The following ROBO2 variants were observed in gnomAD, a reference collection of about 807,000 sequenced individuals.
ROBO2 encodes roundabout homolog 2.
ROBO2 carries 53 observed loss-of-function variants against 160.8 expected under a neutral mutation model. That is an observed-to-expected ratio of 0.33 (90% CI 0.26 to 0.41). ROBO2 has a LOEUF of 0.41. Among genes scored for constraint, ROBO2 ranks in the 10% least tolerant of loss-of-function variants. The pLI, the probability that ROBO2 is intolerant of heterozygous loss-of-function variation, is 1.00. For missense variants in ROBO2, 1,577 were observed against 1,722.4 expected (o/e 0.92, Z 1.49); for synonymous variants, 664 against 611.7 (o/e 1.09, Z -1.26).
chr3:76,194,170 G>T (rs911100133), intron 2 of ROBO2, among the ~76,000 whole-genome samples: 1 of 151,282 alleles, frequency 6.6e-6, no homozygotes, highest in Non-Finnish European at 1.5e-5. Context: ...CATTATGGGG[G>T]TGTTTCTTCT....
At chr3:76,286,093 A>C (rs1449489076) in intron 2 of ROBO2, among the ~76,000 whole-genome samples, 1 of 152,206 alleles carries the variant, frequency 6.6e-6, no homozygotes, top group African/African-American at 2.4e-5. Context: ...TAAGCAGGTA[A>C]AGCAATACTT....
At chr3:75,991,802 A>G (rs2065581186) in intron 2 of ROBO2, among the ~76,000 whole-genome samples, 1 of 152,140 alleles carries the variant, frequency 6.6e-6, no homozygotes, top group African/African-American at 2.4e-5. Context: ...AAATGCTGAT[A>G]ATGATACAGA....
chr3:76,054,434 C>T (rs1313160441), intron 2 of ROBO2, among the ~76,000 whole-genome samples: 3 of 152,122 alleles, frequency 2.0e-5, no homozygotes, highest in Non-Finnish European at 2.9e-5. Flanking sequence ...AATTCAGAAA[C>T]GGTCAACTAA....
At chr3:77,406,780 A>G (rs1359484739) in intron 2 of ROBO2, among the ~76,000 whole-genome samples, 1 of 152,170 alleles carries the variant, frequency 6.6e-6, no homozygotes, top group African/African-American at 2.4e-5. Context: ...TCTCGGAGAC[A>G]AGTCACAATT....
intron 1 of ROBO2, among the ~76,000 whole-genome samples, chr3:77,082,374 G>A (rs1234854376): frequency 1.3e-5 from 2 of 152,052 alleles, no homozygotes; most frequent in Non-Finnish European, 2.9e-5. Context: ...GTACATCAAG[G>A]TAGTGCTCAC....
chr3:77,071,095 G>C (rs1358309251), intron 1 of ROBO2, among the ~76,000 whole-genome samples: 1 of 152,168 alleles, frequency 6.6e-6, no homozygotes, highest in Non-Finnish European at 1.5e-5. Flanking sequence ...GCTGTGAAAG[G>C]AAAGTCCCTT....
At chr3:77,289,182 G>C (rs914838619) in intron 2 of ROBO2, among the ~76,000 whole-genome samples, 3 of 152,302 alleles carry the variant, frequency 2.0e-5, no homozygotes, top group Admixed American at 1.3e-4. Flanking sequence ...GCACTGATGT[G>C]AGGGGAGGTG....
chr3:77,424,559 A>G (rs928713439), intron 2 of ROBO2, among the ~76,000 whole-genome samples: 11 of 152,262 alleles, frequency 7.2e-5, no homozygotes, highest in Non-Finnish European at 1.3e-4. Flanking sequence ...AAAATTAAAT[A>G]TAATCCAAAC....
intron 2 of ROBO2, among the ~76,000 whole-genome samples, chr3:77,286,080 T>A (rs2060572129): frequency 6.6e-6 from 1 of 152,168 alleles, no homozygotes; most frequent in Admixed American, 6.6e-5. Flanking sequence ...CTGTGAATAA[T>A]CTGCGCATAT....
intron 22 of ROBO2, 36 bp from the exon 24 acceptor site, chr3:77,622,191 G>A: frequency 6.3e-7 from 1 of 1,581,402 alleles, no homozygotes; most frequent in Non-Finnish European, 8.7e-7. Flanking sequence ...ATGTTAATAA[G>A]TTGCTTTTCT....
chr3:76,624,264 G>A (rs2089448774), intron 2 of ROBO2, among the ~76,000 whole-genome samples: 1 of 152,096 alleles, frequency 6.6e-6, no homozygotes, highest in African/African-American at 2.4e-5. Context: ...TTTAGTCTTA[G>A]GGTCAAGAAC....
At chr3:76,560,303 T>A (rs1214675762) in intron 2 of ROBO2, among the ~76,000 whole-genome samples, 1 of 152,080 alleles carries the variant, frequency 6.6e-6, no homozygotes, top group Non-Finnish European at 1.5e-5. Context: ...CCCAAATATA[T>A]CTTCCACTAA....
rs143513150 is a variant in ROBO2, at chr3:76,899,865, G to A, written c.110-198149G>A. 2.0e-4 allele frequency among the ~76,000 whole-genome samples: 31 copies of A among 152,046 alleles called. No homozygotes were observed. In the East Asian group the frequency reaches 4.8e-3, roughly 24 times the overall value. On this transcript the variant is annotated intron_variant, in intron 2 of 26. Coordinates refer to the ROBO2 transcript ENST00000487694. ...ATAAGTATATGTTTTGTCCTCATTC[G>A]TATATATTTTTTAACCATAGGGAAT...
intron 2 of ROBO2, among the ~76,000 whole-genome samples, chr3:76,922,051 C>A (rs1280877938): frequency 6.6e-6 from 1 of 152,164 alleles, no homozygotes; most frequent in Non-Finnish European, 1.5e-5. Flanking sequence ...ATGGTTCATG[C>A]CTGTAATCCC....
chr3:76,997,602 AAAG>A (rs1310803137), intron 2 of ROBO2, among the ~76,000 whole-genome samples: 1 of 152,184 alleles, frequency 6.6e-6, no homozygotes, highest in African/African-American at 2.4e-5. Flanking sequence ...TTACAAGTGA[AAAG>A]AAATACCAAT....
At chr3:77,309,128 G>A (rs2063337333) in intron 2 of ROBO2, among the ~76,000 whole-genome samples, 1 of 150,542 alleles carries the variant, frequency 6.6e-6, no homozygotes, top group South Asian at 2.1e-4. Context: ...TTTATAGCTA[G>A]GATTGAGAAC....
chr3:76,194,354 AT>A (rs1702154232), intron 2 of ROBO2, among the ~76,000 whole-genome samples: 2 of 66,994 alleles, frequency 3.0e-5, no homozygotes, highest in East Asian at 1.7e-3. Flanking sequence ...TGGTGTGTAA[AT>A]ATATATATAT....
At chr3:76,477,772 CCT>C (rs2079003468) in intron 2 of ROBO2, among the ~76,000 whole-genome samples, 1 of 151,952 alleles carries the variant, frequency 6.6e-6, no homozygotes, top group South Asian at 2.1e-4. Context: ...ATCAAATACC[CCT>C]CTTCCTGCTG....
At chr3:77,234,863 T>C (rs1421126126) in intron 2 of ROBO2, among the ~76,000 whole-genome samples, 1 of 152,164 alleles carries the variant, frequency 6.6e-6, no homozygotes, top group Non-Finnish European at 1.5e-5. Context: ...TGGGGACTTT[T>C]GGGAGTGTTT....
Sources: gnomAD v4.1 joint callset for allele counts (sites outside exome capture counted in the v4.1 genomes callset) on GRCh38, gnomAD v4.1.1 for gene constraint, MANE v1.5 for transcripts, NCBI Gene and HGNC (gene_info 2026-07-23, HGNC 2026-07-21) for gene names.